UBA6: variants seen among roughly 807,000 people sequenced by gnomAD.
The protein encoded by UBA6 is ubiquitin like modifier activating enzyme 6.
Under a neutral mutation model 148.3 loss-of-function variants are expected in UBA6, and 87 were observed. The ratio of observed to expected loss-of-function variants is 0.59; its 90% CI spans 0.49 to 0.70. The LOEUF (loss-of-function observed/expected upper bound fraction) is 0.70, where lower values mean the gene tolerates loss of function less well. Ranked by LOEUF, UBA6 falls within the 30% of genes least tolerant of loss-of-function variation. The probability of loss-of-function intolerance (pLI) is 0.00; values close to 1 mark genes in which losing one functional copy is unlikely to be tolerated. For synonymous variants in UBA6, 376 were observed against 401.0 expected (o/e 0.94, Z 0.75); for missense variants, 1,186 against 1,241.2 (o/e 0.96, Z 0.67).
chr4:67,695,282 C>G (rs1045927447), intron 2 of UBA6, among the ~76,000 whole-genome samples: 1 of 152,208 alleles, frequency 6.6e-6, no homozygotes, highest in African/African-American at 2.4e-5. Context: ...GCCACACTGA[C>G]CTGCTTGCTG....
At chr4:67,647,379 C>T (rs1225910342) in intron 14 of UBA6, among the ~76,000 whole-genome samples, 1 of 152,094 alleles carries the variant, frequency 6.6e-6, no homozygotes, top group Non-Finnish European at 1.5e-5. Flanking sequence ...CTCCCGACCT[C>T]AGGTGATCTG....
chr4:67,648,074 A>T (rs1194262246), intron 14 of UBA6, among the ~76,000 whole-genome samples: 2 of 151,852 alleles, frequency 1.3e-5, no homozygotes, highest in Admixed American at 1.3e-4. Flanking sequence ...CGCCTGCCTT[A>T]ACGGTCATCT....
chr4:67,621,857 T>TA (rs1474982670), intron 32 of UBA6, among the ~76,000 whole-genome samples: 27 of 152,110 alleles, frequency 1.8e-4, no homozygotes, highest in African/African-American at 6.0e-4. Context: ...ACAGCAGTCA[T>TA]AGGACAGTAA....
intron 27 of UBA6, among the ~76,000 whole-genome samples, chr4:67,626,828 C>T (rs901199354): frequency 6.6e-6 from 1 of 151,822 alleles, no homozygotes; most frequent in Non-Finnish European, 1.5e-5. Flanking sequence ...CAATCTAAGT[C>T]CATACTGATC....
chr4:67,651,126 G>C (rs1027056818), intron 13 of UBA6, among the ~76,000 whole-genome samples: 2 of 151,932 alleles, frequency 1.3e-5, no homozygotes, highest in Non-Finnish European at 2.9e-5. Context: ...CAGAAAACCA[G>C]AATCAAAACA....
intron 6 of UBA6, 68 bp downstream of exon 6, chr4:67,677,543 C>T (rs1219202375): frequency 1.2e-5 from 9 of 738,122 alleles, no homozygotes; most frequent in Admixed American, 7.9e-5. Flanking sequence ...ATTAGTTAAA[C>T]ATATTAATAT....
At chr4:67,670,633 A>G (rs780132866) in intron 7 of UBA6, 41 bp from the exon 8 acceptor site, 221 of 1,480,722 alleles carry the variant, frequency 1.5e-4, no homozygotes, top group Admixed American at 2.9e-4. Flanking sequence ...ATTTATATAA[A>G]GAAAAAAACA....
chr4:67,659,243 C>T (rs1729778980), intron 13 of UBA6, among the ~76,000 whole-genome samples: 1 of 152,074 alleles, frequency 6.6e-6, no homozygotes, highest in Admixed American at 6.5e-5. Flanking sequence ...GATATTAAAG[C>T]TTTTACCACT....
chr4:67,637,270 G>T (rs1160728416), intron 19 of UBA6, among the ~76,000 whole-genome samples: 1 of 151,018 alleles, frequency 6.6e-6, no homozygotes, highest in Non-Finnish European at 1.5e-5. Flanking sequence ...GGAGGGAGGT[G>T]GAGGGCAGCC....
At chr4:67,626,283 C>A (rs1728865376) in intron 28 of UBA6, 77 bp downstream of exon 28, 1 of 823,674 alleles carries the variant, frequency 1.2e-6, no homozygotes, top group Admixed American at 2.2e-5. Flanking sequence ...TTAAATTCCA[C>A]AAATTCTTAG....
chr4:67,626,238 A>T, intron 28 of UBA6, 122 bp downstream of exon 28: 1 of 666,396 alleles, frequency 1.5e-6, no homozygotes, highest in Non-Finnish European at 2.6e-6. Context: ...TGATCATGAA[A>T]TCAATCAATA....
At chr4:67,682,736 T>C (rs2109951655) in intron 2 of UBA6, among the ~76,000 whole-genome samples, 1 of 152,286 alleles carries the variant, frequency 6.6e-6, no homozygotes, top group South Asian at 2.1e-4. Flanking sequence ...AAATATACGT[T>C]AGTAATTTAA....
chr4:67,664,926 C>T (rs1335580289), intron 10 of UBA6, among the ~76,000 whole-genome samples: 1 of 152,040 alleles, frequency 6.6e-6, no homozygotes, highest in South Asian at 2.1e-4. Context: ...CAGTTCCTTT[C>T]GGGTATACCC....
intron 2 of UBA6, among the ~76,000 whole-genome samples, chr4:67,682,635 T>G (rs1359910451): frequency 6.6e-6 from 1 of 152,178 alleles, no homozygotes; most frequent in Non-Finnish European, 1.5e-5. Context: ...AAAATTTGGT[T>G]CTCTTCTTGG....
At chr4:67,657,977 A>C (rs1381259003) in intron 13 of UBA6, among the ~76,000 whole-genome samples, 1 of 152,200 alleles carries the variant, frequency 6.6e-6, no homozygotes, top group African/African-American at 2.4e-5. Flanking sequence ...GAGACATGCA[A>C]ATCAAAACCA....
In UBA6 at chr4:67,645,947, G is replaced by A; in HGVS notation, c.1386C>T (p.Asn462=). The part of the protein sequence containing the change: ...DTLCQKLQNL[N]IFLVGCGAIG... The stretch of plus-strand genomic sequence containing the variant: ...GATTATTGATACTTACTAAGAAGAT[G>A]TTTAAATTTTGCAGTTTCTGACACA... The change falls in exon 16 of 33, where the codon AAC becomes AAT. Residue 462 remains asparagine, a synonymous_variant. Coordinates refer to ENST00000322244, the MANE Select transcript of UBA6 (RefSeq NM_018227.6). 1 of 1,588,266 alleles carries A rather than the reference G, an allele frequency of 6.3e-7. No individual in the cohort carries two copies. Among genetic ancestry groups the A allele is most frequent in the Non-Finnish European group, 8.6e-7 (1 of 1,162,162 alleles).
rs375418919 is a variant in UBA6 at position 67,678,544 on chromosome 4, G to GA, written c.259-12dup. The GA allele has an allele frequency of 1.1e-4, 173 of 1,553,270 alleles. 1 individual carries two copies. The African/African-American group carries it at 2.0e-3, about 18-fold the overall frequency. ...ATGAATTGTAACTGCCTTCAAAAAAGAAAAAAGTATTGGTTGAAGTCAGGA... is the reference window on the plus strand; with the variant it reads ...ATGAATTGTAACTGCCTTCAAAAAAGAAAAAAAGTATTGGTTGAAGTCAGGA... On this transcript the variant is annotated splice_polypyrimidine_tract_variant and intron_variant, in intron 4 of 32. Transcript: ENST00000322244.
chr4:67,640,941 C>T (rs1324409859), intron 18 of UBA6, among the ~76,000 whole-genome samples: 2 of 152,154 alleles, frequency 1.3e-5, no homozygotes, highest in Non-Finnish European at 2.9e-5. Context: ...GCCTGTTTCA[C>T]AACTCAGGTT....
rs140765473 is a variant in UBA6 at position 67,676,266 on chromosome 4, C to T, written c.465+1345G>A. 3.5e-3 allele frequency among the ~76,000 whole-genome samples: 536 copies of T among 152,158 alleles called. 1 individual carries two copies. The highest frequency in any genetic ancestry group is 6.1e-3 in the Non-Finnish European group (417 of 67,988). ...CTCGAACTCCTGACCTTAGGTGATC[C>T]GCCCACCTCGGCCTCCCAAAGTGCT... On this transcript the variant is annotated intron_variant, in intron 6 of 32. Transcript: ENST00000322244.
Sources: allele counts gnomAD v4.1 joint callset (sites outside exome capture counted in the v4.1 genomes callset), GRCh38; gene constraint gnomAD v4.1.1; transcripts MANE v1.5; gene names NCBI Gene and HGNC (gene_info 2026-07-23, HGNC 2026-07-21).